Variants in HS3ST4 observed in about 807,000 individuals in gnomAD.
HS3ST4 encodes heparan sulfate-glucosamine 3-sulfotransferase 4, also known as heparan sulfate glucosamine 3-O-sulfotransferase 4.
In HS3ST4, 17 loss-of-function variants were observed where a neutral mutation model predicts 29.2. That is an observed-to-expected ratio of 0.58 (90% CI 0.40 to 0.87). The LOEUF is 0.87. HS3ST4 is among the 40% of genes least tolerant of loss of function. The pLI is 0.00. For synonymous variants in HS3ST4, 314 were observed against 285.7 expected (o/e 1.10, Z -1.00); for missense variants, 627 against 634.5 (o/e 0.99, Z 0.13).
intron 1 of HS3ST4, among the ~76,000 whole-genome samples, chr16:26,030,385 A>T (rs1164069986): frequency 6.6e-6 from 1 of 152,188 alleles, no homozygotes; most frequent in Non-Finnish European, 1.5e-5. Flanking sequence ...TAGCCTAGGC[A>T]CCGGGTGAGA....
At chr16:26,125,969 T>G (rs1899338301) in intron 1 of HS3ST4, among the ~76,000 whole-genome samples, 1 of 152,262 alleles carries the variant, frequency 6.6e-6, no homozygotes, top group South Asian at 2.1e-4. Flanking sequence ...GTAGAACAGA[T>G]AAATTACTCC....
At chr16:25,725,770 A>G (rs1419934083) in intron 1 of HS3ST4, among the ~76,000 whole-genome samples, 1 of 150,584 alleles carries the variant, frequency 6.6e-6, no homozygotes, top group Non-Finnish European at 1.5e-5. Flanking sequence ...ATATAAATAT[A>G]CATATATACA....
chr16:26,052,751 G>T (rs910764824), intron 1 of HS3ST4, among the ~76,000 whole-genome samples: 7 of 152,226 alleles, frequency 4.6e-5, no homozygotes, highest in Non-Finnish European at 1.0e-4. Context: ...AGGGAGCCAA[G>T]GGCTTTGCCC....
Position 26,001,431 on chromosome 16 carries a change from T to C in HS3ST4, c.735-134181T>C, listed in dbSNP as rs575266004. The stretch of plus-strand genomic sequence containing the variant: ...AGATAAAACATATACAGGGTTTTTT[T>C]TGTATTATGTTTATTCTTGCAACCT... On this transcript the variant is annotated intron_variant, in intron 1 of 1. Coordinates refer to ENST00000331351, the MANE Select transcript of HS3ST4 (RefSeq NM_006040.3). 2.0e-5 allele frequency among the ~76,000 whole-genome samples: 3 copies of C among 152,286 alleles called. No individual in the cohort carries two copies. The South Asian group carries it at 6.2e-4, about 32-fold the overall frequency.
intron 1 of HS3ST4, among the ~76,000 whole-genome samples, chr16:26,118,231 A>G (rs1167469723): frequency 6.6e-6 from 1 of 152,086 alleles, no homozygotes; most frequent in Non-Finnish European, 1.5e-5. Flanking sequence ...ACACTTGGCT[A>G]ATTTTTAAAA....
At position 26,032,670 on chromosome 16, in the gene HS3ST4, T is replaced by G; in HGVS notation, c.735-102942T>G. Reference sequence around the variant, plus strand: ...TTCCCTTTGGGTACCTTCTCTCCCTTCTTTGCAGGGGCCTTTTTAGTCTTG... The same window carrying G: ...TTCCCTTTGGGTACCTTCTCTCCCTGCTTTGCAGGGGCCTTTTTAGTCTTG... On this transcript the variant is annotated intron_variant, in intron 1 of 1. Coordinates refer to ENST00000331351, the MANE Select transcript of HS3ST4 (RefSeq NM_006040.3). 5 of 1,343,282 alleles carry G rather than the reference T, an allele frequency of 3.7e-6. No homozygotes were observed. In the South Asian group the frequency reaches 4.7e-5, roughly 13 times the overall value. The allele number at this position is 1,343,282 out of a possible 1,614,324, so 83.2% of individuals were successfully genotyped here.
chr16:25,827,729 G>A (rs1336683445), intron 1 of HS3ST4, among the ~76,000 whole-genome samples: 1 of 152,068 alleles, frequency 6.6e-6, no homozygotes, highest in Non-Finnish European at 1.5e-5. Context: ...AAATGGTAAA[G>A]TTTTAAAGTT....
At chr16:25,817,510 A>G (rs2141631606) in intron 1 of HS3ST4, among the ~76,000 whole-genome samples, 1 of 152,360 alleles carries the variant, frequency 6.6e-6, no homozygotes, top group Non-Finnish European at 1.5e-5. Flanking sequence ...TTACAAAAAT[A>G]GGCAGCAAGC....
intron 1 of HS3ST4, among the ~76,000 whole-genome samples, chr16:26,060,625 T>C (rs754555795): frequency 6.6e-6 from 1 of 152,158 alleles, no homozygotes; most frequent in African/African-American, 2.4e-5. Context: ...AGTTCTGCAA[T>C]CTCTCATTCA....
chr16:25,918,472 G>T (rs1255246210), intron 1 of HS3ST4, among the ~76,000 whole-genome samples: 2 of 152,196 alleles, frequency 1.3e-5, no homozygotes, highest in African/African-American at 4.8e-5. Flanking sequence ...GCATGCATGT[G>T]CACAAGAGTT....
chr16:26,114,856 A>C (rs1312649712), intron 1 of HS3ST4, among the ~76,000 whole-genome samples: 1 of 152,190 alleles, frequency 6.6e-6, no homozygotes, highest in African/African-American at 2.4e-5. Flanking sequence ...CCCATGACCC[A>C]GCAATTCAAC....
rs75504371 is a variant in HS3ST4, at chr16:26,127,712, G to A, written c.735-7900G>A. ...CTTCTCTGAGCCTCAGATTACTCAC[G>A]GATATCATGGGGAATAATGAGTATC... On this transcript the variant is annotated intron_variant, in intron 1 of 1. Coordinates refer to ENST00000331351, the MANE Select transcript of HS3ST4 (RefSeq NM_006040.3). 2.0e-5 allele frequency among the ~76,000 whole-genome samples: 3 copies of A among 152,230 alleles called. No homozygotes were observed. In the East Asian group the frequency reaches 5.8e-4, roughly 29 times the overall value.
At chr16:25,971,793 C>T (rs1457936598) in intron 1 of HS3ST4, among the ~76,000 whole-genome samples, 5 of 151,926 alleles carry the variant, frequency 3.3e-5, no homozygotes, top group Admixed American at 1.3e-4. Context: ...AGTATAGTGG[C>T]AGGCCAGTGG....
chr16:25,743,449 C>T (rs139073440), intron 1 of HS3ST4, among the ~76,000 whole-genome samples: 4 of 152,258 alleles, frequency 2.6e-5, no homozygotes, highest in East Asian at 1.9e-4. Flanking sequence ...ATTAATCAAT[C>T]GGCATATCAG....
At chr16:25,760,239 A>T (rs1966781316) in intron 1 of HS3ST4, among the ~76,000 whole-genome samples, 1 of 152,094 alleles carries the variant, frequency 6.6e-6, no homozygotes, top group South Asian at 2.1e-4. Flanking sequence ...GTTCCAGAGG[A>T]TGGAAGCTCA....
chr16:25,936,317 A>T (rs1186615273), intron 1 of HS3ST4, among the ~76,000 whole-genome samples: 1 of 152,186 alleles, frequency 6.6e-6, no homozygotes, highest in African/African-American at 2.4e-5. Context: ...AGATATGCAG[A>T]TGATACAAGG....
At chr16:25,798,025 T>C (rs997868374) in intron 1 of HS3ST4, among the ~76,000 whole-genome samples, 1 of 152,014 alleles carries the variant, frequency 6.6e-6, no homozygotes, top group Non-Finnish European at 1.5e-5. Flanking sequence ...ATGTGTTGAG[T>C]GTGGGGTAGA....
At chr16:25,986,134 G>A (rs11074739) in intron 1 of HS3ST4, among the ~76,000 whole-genome samples, 38,099 of 152,016 alleles carry the variant, frequency 0.25, 5,129 homozygotes, top group African/African-American at 0.32. Flanking sequence ...CTATCACCCA[G>A]TCTCCTTCTA....
chr16:25,777,942 AATAG>A (rs889653736), intron 1 of HS3ST4, among the ~76,000 whole-genome samples: 16 of 152,164 alleles, frequency 1.1e-4, no homozygotes, highest in Non-Finnish European at 1.5e-4. Context: ...TAGAGAGAGA[AATAG>A]ATAGACACAC....
Sources: allele counts gnomAD v4.1 joint callset (sites outside exome capture counted in the v4.1 genomes callset), GRCh38; gene constraint gnomAD v4.1.1; transcripts MANE v1.5; gene names NCBI Gene and HGNC (gene_info 2026-07-23, HGNC 2026-07-21).